The following NGLY1 variants were observed in gnomAD, a reference collection of about 807,000 sequenced individuals.
The protein encoded by NGLY1 is peptide-N(4)-(N-acetyl-beta-glucosaminyl)asparagine amidase.
A neutral mutation model predicts 84.6 loss-of-function variants in NGLY1; 68 were observed. That is an observed-to-expected ratio of 0.80 (90% CI 0.66 to 0.98). The LOEUF is 0.98. Among genes scored for constraint, NGLY1 ranks in the 50% least tolerant of loss-of-function variants. The pLI, the probability that NGLY1 is intolerant of heterozygous loss-of-function variation, is 0.00. For missense variants in NGLY1, 779 were observed against 770.2 expected (o/e 1.01, Z -0.14); for synonymous variants, 280 against 275.2 (o/e 1.02, Z -0.17).
intron 10 of NGLY1, among the ~76,000 whole-genome samples, chr3:25,722,629 A>T (rs2125447592): frequency 6.6e-6 from 1 of 152,350 alleles, no homozygotes. Context: ...AGATATGTAT[A>T]GCCAACTGTT....
Position 25,789,877 on chromosome 3 carries a change from C to T in NGLY1, c.-12G>A, listed in dbSNP as rs756879471. ...AAATGCTACCTCATCGCGTTATTGG[C>T]AGGTCCTCGATTATCGGCGAGTCAC... On this transcript the variant is annotated 5_prime_UTR_variant, in exon 1 of 12. Transcript: ENST00000417874. 13 of 1,551,726 alleles carry T rather than the reference C, an allele frequency of 8.4e-6. No homozygotes were observed. In the East Asian group the frequency reaches 9.8e-5, roughly 12 times the overall value.
At position 25,778,674 on chromosome 3, in the gene NGLY1, T is replaced by C; in HGVS notation, c.146A>G (p.Glu49Gly). The C allele has an allele frequency of 6.2e-7, 1 of 1,605,216 alleles. No individual in the cohort carries two copies. Among genetic ancestry groups the C allele is most frequent in the Non-Finnish European group, 8.5e-7 (1 of 1,175,792 alleles). Residue 49 changes from glutamate to glycine, a missense_variant, in exon 2 of 12, where the codon GAA (glutamate) becomes GGA (glycine). Transcript: ENST00000280700. ...TCCAATCCGGATGGATCTATATTTTTCATCATTAGGGTTTCTGACAAAAAA... is the reference window on the plus strand; with the variant it reads ...TCCAATCCGGATGGATCTATATTTTCCATCATTAGGGTTTCTGACAAAAAA... ...ADNILRNPND[E>G]KYRSIRIGNT...
chr3:25,754,803 T>TC (rs1322985877), intron 3 of NGLY1: 9 of 433,038 alleles, frequency 2.1e-5, no homozygotes, highest in Non-Finnish European at 3.7e-5. Flanking sequence ...TTTTTTTTTT[T>TC]TTGATACGAG....
At chr3:25,721,748 C>CAAA (rs59028606) in intron 10 of NGLY1, among the ~76,000 whole-genome samples, 9 of 50,700 alleles carry the variant, frequency 1.8e-4, no homozygotes, top group African/African-American at 3.5e-4. Context: ...GACTCCATCT[C>CAAA]AAAAAAAAAA....
Position 25,751,216 on chromosome 3 carries a change from C to T in NGLY1, c.540G>A (p.Gln180=). 6.2e-7 allele frequency: 1 copy of T among 1,611,040 alleles called. No homozygotes were observed. The highest frequency in any genetic ancestry group is 8.5e-7 in the Non-Finnish European group (1 of 1,178,614). ...CAGGATTTTCATAGACCAGCACATG[C>T]TGAATGTTGGACTGAAGAACTTCTA... The part of the protein sequence containing the change: ...AILEVLQSNI[Q]HVLVYENPAL... The change falls in exon 4 of 12, where the codon CAG becomes CAA. Residue 180 remains glutamine (Q), a synonymous_variant. Coordinates refer to ENST00000280700, the MANE Select transcript of NGLY1 (RefSeq NM_018297.4).
intron 1 of NGLY1, among the ~76,000 whole-genome samples, chr3:25,788,772 ACT>A (rs1411885187): frequency 1.3e-5 from 2 of 152,144 alleles, no homozygotes; most frequent in African/African-American, 4.8e-5. Flanking sequence ...TCTTCAAGAA[ACT>A]CTACTTTGTC....
In NGLY1 at chr3:25,740,322, C is replaced by A. The variant is rs190154111; in HGVS notation, c.659-523G>T. On this transcript the variant is annotated intron_variant, in intron 4 of 11. Transcript: ENST00000280700. ...ATAATCCATCCATGGATACTCATCC[C>A]CAAACACATAAAAACACAACCATAT... 3.6e-3 allele frequency among the ~76,000 whole-genome samples: 554 copies of A among 152,164 alleles called. 3 individuals carry two copies. The highest frequency in any genetic ancestry group is 0.012 in the African/African-American group (513 of 41,524).
intron 3 of NGLY1, among the ~76,000 whole-genome samples, chr3:25,761,759 T>C (rs1413513539): frequency 6.6e-6 from 1 of 152,168 alleles, no homozygotes; most frequent in African/African-American, 2.4e-5. Context: ...TGTATGTGAA[T>C]GTTCACAGCA....
At chr3:25,788,335 A>C (rs1187244220), upstream of NGLY1, among the ~76,000 whole-genome samples, 2 of 152,202 alleles carry the variant, frequency 1.3e-5, no homozygotes, top group Non-Finnish European at 2.9e-5. Flanking sequence ...TCAGATTACA[A>C]AGAATTTAAG....
chr3:25,778,740 C>A (rs1165317503), intron 1 of NGLY1, 52 bp from the exon 2 acceptor site: 1 of 1,066,190 alleles, frequency 9.4e-7, no homozygotes, highest in Non-Finnish European at 1.4e-6. Context: ...GGTCATAGTT[C>A]TTCAAAGACT....
At chr3:25,764,024 C>G (rs1004229209) in intron 3 of NGLY1, 42 bp downstream of exon 3, 3 of 1,603,964 alleles carry the variant, frequency 1.9e-6, no homozygotes, top group Non-Finnish European at 2.6e-6. Context: ...TGTTTCAACA[C>G]TTTGAAAGAA....
At chr3:25,782,017 G>C (rs1031607887) in intron 1 of NGLY1, among the ~76,000 whole-genome samples, 7 of 152,096 alleles carry the variant, frequency 4.6e-5, no homozygotes, top group Non-Finnish European at 1.0e-4. Flanking sequence ...GAGTAAAAAA[G>C]GTGAGTTGAG....
chr3:25,762,278 A>C (rs1240112955), intron 3 of NGLY1, among the ~76,000 whole-genome samples: 1 of 152,158 alleles, frequency 6.6e-6, no homozygotes, highest in Non-Finnish European at 1.5e-5. Flanking sequence ...CTCCACTCAA[A>C]ATGGGCAAGG....
intron 8 of NGLY1, 23 bp downstream of exon 8, chr3:25,733,849 C>CA: frequency 6.5e-7 from 1 of 1,545,480 alleles, no homozygotes; most frequent in Non-Finnish European, 8.8e-7. Context: ...ACTGTTCTTT[C>CA]AAAAAAGATA....
Position 25,751,078 on chromosome 3 carries a change from T to A in NGLY1, c.658+20A>T, listed in dbSNP as rs765443929. On this transcript the variant is annotated intron_variant, in intron 4 of 11. Coordinates refer to ENST00000280700, the MANE Select transcript of NGLY1 (RefSeq NM_018297.4). ...GCAATGATTTACATTTAGCAATAAA[T>A]GATTATGTAAAGCTACTACCTTTAT... 5 of 1,597,096 alleles carry A rather than the reference T, an allele frequency of 3.1e-6. No homozygotes were observed. In the African/African-American group the frequency reaches 6.8e-5, roughly 22 times the overall value.
chr3:25,738,096 T>C (rs1353280690), intron 5 of NGLY1, among the ~76,000 whole-genome samples: 1 of 152,206 alleles, frequency 6.6e-6, no homozygotes, highest in African/African-American at 2.4e-5. Context: ...ATCTGTGTTT[T>C]GAATAATGTA....
chr3:25,779,070 G>C (rs991146280), intron 1 of NGLY1, among the ~76,000 whole-genome samples: 1 of 151,056 alleles, frequency 6.6e-6, no homozygotes, highest in African/African-American at 2.4e-5. Flanking sequence ...CAAGTAGCTA[G>C]GATTACAGGG....
chr3:25,769,224 G>A (rs981853693), intron 2 of NGLY1, among the ~76,000 whole-genome samples: 1 of 152,154 alleles, frequency 6.6e-6, no homozygotes, highest in African/African-American at 2.4e-5. Flanking sequence ...AGCCGGGCAT[G>A]ATGGCGTGCA....
chr3:25,754,858 T>C (rs898383240), intron 3 of NGLY1: 43 of 582,890 alleles, frequency 7.4e-5, no homozygotes, highest in Non-Finnish European at 1.6e-5. Context: ...AGAAAAACCA[T>C]GAAATGACCA....
Sources: gnomAD v4.1 joint callset for allele counts (sites outside exome capture counted in the v4.1 genomes callset) on GRCh38, gnomAD v4.1.1 for gene constraint, MANE v1.5 for transcripts, NCBI Gene and HGNC (gene_info 2026-07-23, HGNC 2026-07-21) for gene names.